Variants in PPFIA4 observed in about 807,000 individuals in gnomAD.
PPFIA4 encodes PPFI scaffold protein A4.
A neutral mutation model predicts 145.7 loss-of-function variants in PPFIA4; 98 were observed. The observed-to-expected ratio is 0.67, with a 90% confidence interval of 0.57 to 0.80. PPFIA4 has a LOEUF of 0.80. Among genes scored for constraint, PPFIA4 ranks in the 30% least tolerant of loss-of-function variants. The probability of loss-of-function intolerance (pLI) is 0.00; values close to 1 mark genes in which losing one functional copy is unlikely to be tolerated. For missense variants in PPFIA4, 1,457 were observed against 1,632.7 expected, an observed-to-expected ratio of 0.89 and a Z score of 1.85; for synonymous variants, 628 against 649.6, an observed-to-expected ratio of 0.97 and a Z score of 0.51.
At chr1:203,030,153 A>G (rs1199894223) in intron 1 of PPFIA4, among the ~76,000 whole-genome samples, 1 of 152,178 alleles carries the variant, frequency 6.6e-6, no homozygotes, top group African/African-American at 2.4e-5. Context: ...CTCATTTGAT[A>G]GTGAGCTGCT....
In PPFIA4 at chr1:203,049,681, C is replaced by T; in HGVS notation, c.1425C>T (p.Arg475=). Residue 475 remains arginine (R), a synonymous_variant, in exon 13 of 30, where the codon CGC becomes CGT. Transcript: ENST00000295706. ...QIEEQHHHKG[R]LSEEIEKLRQ... is the part of the protein sequence containing the mutation. Reference sequence around the variant, plus strand: ...CCCCGGGTCTGCTGGCACAGGGCCGCCTGTCTGAAGAGATTGAGAAGCTGC... The same window carrying T: ...CCCCGGGTCTGCTGGCACAGGGCCGTCTGTCTGAAGAGATTGAGAAGCTGC... 1.3e-6 allele frequency: 2 copies of T among 1,561,900 alleles called. No individual in the cohort carries two copies. The highest frequency in any genetic ancestry group is 1.2e-5 in the South Asian group (1 of 83,240).
intron 6 of PPFIA4, among the ~76,000 whole-genome samples, chr1:203,045,069 G>C (rs753141909): frequency 2.0e-5 from 3 of 152,136 alleles, no homozygotes; most frequent in Admixed American, 6.5e-5. Context: ...TTCCTTCTCT[G>C]TCTGAACCTT....
Position 203,064,900 on chromosome 1 carries a change from G to A in PPFIA4, c.3050+897G>A, listed in dbSNP as rs190662767. On this transcript the variant is annotated intron_variant, in intron 25 of 29. Coordinates refer to ENST00000295706, the MANE Select transcript of PPFIA4 (RefSeq NM_001304331.2). ...TAGGTGGCCACGGTTCTAGGATTTGGCAGTTTTTAGGAAGTCCTTCTTAAC... is the reference window on the plus strand; with the variant it reads ...TAGGTGGCCACGGTTCTAGGATTTGACAGTTTTTAGGAAGTCCTTCTTAAC... Among the ~76,000 whole-genome samples the A allele has an allele frequency of 2.0e-5, 3 of 152,306 alleles. No individual in the cohort carries two copies. In the East Asian group the frequency reaches 5.8e-4, roughly 29 times the overall value.
chr1:203,046,190 T>TGGGGGG (rs1660071434), intron 8 of PPFIA4, 58 bp from the exon 9 acceptor site: 1 of 1,069,060 alleles, frequency 9.4e-7, no homozygotes, highest in African/African-American at 3.1e-5. Flanking sequence ...GAGGCTGGGG[T>TGGGGGG]GGGGGTGGGG....
chr1:203,051,879 T>C lies in PPFIA4; in HGVS notation c.1620+2T>C, dbSNP rs1252368134. ...GCATTGAGGGAAGAGTCTGCCAAGG[T>C]GAGGGGGTGGAGGGATCTCCTCAGG... On this transcript the variant is annotated splice_donor_variant, in intron 14 of 29. Coordinates refer to ENST00000295706, the MANE Select transcript of PPFIA4 (RefSeq NM_001304331.2). LOFTEE classifies it high-confidence loss of function. 1 of 1,612,814 alleles carries C rather than the reference T, an allele frequency of 6.2e-7. No homozygotes were observed. The highest frequency in any genetic ancestry group is 8.5e-7 in the Non-Finnish European group (1 of 1,179,442).
chr1:203,061,522 C>T (rs952899236), intron 23 of PPFIA4, 130 bp from the exon 24 acceptor site: 21 of 926,776 alleles, frequency 2.3e-5, no homozygotes, highest in African/African-American at 1.4e-4. Context: ...ACCATCCTGA[C>T]GAGCTTTCCC....
chr1:203,045,681 G>A (rs1660029315), intron 7 of PPFIA4, 122 bp downstream of exon 7: 12 of 1,447,708 alleles, frequency 8.3e-6, no homozygotes, highest in Non-Finnish European at 1.0e-5. Flanking sequence ...ATTGTTGGGG[G>A]GCGGTCATGG....
At position 203,045,544 on chromosome 1, in the gene PPFIA4, G is replaced by C. The variant is rs760200755; in HGVS notation, c.843G>C (p.Gln281His). 1 of 1,595,306 alleles carries C rather than the reference G, an allele frequency of 6.3e-7. No homozygotes were observed. Among genetic ancestry groups the C allele is most frequent in the Non-Finnish European group, 8.5e-7 (1 of 1,171,864 alleles). Residue 281 changes from glutamine (Q) to histidine (H), a missense_variant, in exon 7 of 30, where the codon CAG (glutamine) becomes CAC (histidine). Gln to His is a conservative substitution (Grantham distance 24). Transcript: ENST00000295706. ...CGGAGGAGCTGAGCAGCAAGCATCA[G>C]CGGGACCTCCGGGAGGTGCGTGAGG... ...IKSEELSSKH[Q>H]RDLREALAQK...
chr1:203,060,116 C>T lies in PPFIA4; in HGVS notation c.2584-101C>T, dbSNP rs554942126. On this transcript the variant is annotated intron_variant, in intron 21 of 29. Transcript: ENST00000295706. The surrounding 1 kb of genome is among the most constrained non-coding windows in gnomAD (Gnocchi z 4.8). Reference sequence around the variant, plus strand: ...ATTCCTATGATCTGTATTTGCTATTCGAGTCCGTGGATGAGGCCTGGCCCT... The same window carrying T: ...ATTCCTATGATCTGTATTTGCTATTTGAGTCCGTGGATGAGGCCTGGCCCT... 1.1e-4 allele frequency: 120 copies of T among 1,126,776 alleles called. No homozygotes were observed. In the African/African-American group the frequency reaches 1.7e-3, roughly 16 times the overall value. 69.8% of individuals were successfully genotyped at this position (1,126,776 alleles called of 1,614,324 possible).
intron 28 of PPFIA4, among the ~76,000 whole-genome samples, chr1:203,074,498 AT>A (rs1662383774): frequency 6.6e-6 from 1 of 152,196 alleles, no homozygotes; most frequent in African/African-American, 2.4e-5. Flanking sequence ...ATAAATATAT[AT>A]AAAAATGCTA....
At chr1:203,039,845 G>A (rs1012101421) in intron 2 of PPFIA4, among the ~76,000 whole-genome samples, 6 of 152,188 alleles carry the variant, frequency 3.9e-5, no homozygotes, top group Non-Finnish European at 8.8e-5. Flanking sequence ...AGTTGGTGCT[G>A]TTACCACCAT....
At chr1:203,039,752 T>C (rs531037381) in intron 2 of PPFIA4, among the ~76,000 whole-genome samples, 24 of 152,244 alleles carry the variant, frequency 1.6e-4, no homozygotes, top group Admixed American at 6.5e-5. Context: ...AACCACCAGC[T>C]GTCCTGTAGT....
chr1:203,032,869 T>G (rs934645318), intron 1 of PPFIA4, among the ~76,000 whole-genome samples: 1 of 152,012 alleles, frequency 6.6e-6, no homozygotes, highest in African/African-American at 2.4e-5. Context: ...ACCATGACCC[T>G]CTAAACCAAG....
In PPFIA4 at chr1:203,051,012, T is replaced by C. The variant is rs150392348; in HGVS notation, c.1512-757T>C. The stretch of plus-strand genomic sequence containing the variant: ...GAACTTCCCTCTCCCTCCAGTGACC[T>C]CGTATGGTCTGTTGTAGGCTCACTG... On this transcript the variant is annotated intron_variant, in intron 13 of 29. Coordinates refer to ENST00000295706, the MANE Select transcript of PPFIA4 (RefSeq NM_001304331.2). Among the ~76,000 whole-genome samples the C allele has an allele frequency of 1.5e-3, 223 of 152,092 alleles. 3 individuals carry two copies. The highest frequency in any genetic ancestry group is 5.1e-3 in the African/African-American group (211 of 41,460).
chr1:203,049,931 T>A (rs1181698123), intron 13 of PPFIA4, among the ~76,000 whole-genome samples, 164 bp downstream of exon 13: 4 of 152,188 alleles, frequency 2.6e-5, no homozygotes, highest in Non-Finnish European at 5.9e-5. Context: ...CCCAGCTTAC[T>A]TGGGCAGTTT....
At position 203,076,901 on chromosome 1, in the gene PPFIA4, C is replaced by T. The variant is rs3795586; in HGVS notation, c.*511C>T. The T allele has an allele frequency of 0.18, 29,519 of 159,704 alleles. 2,874 individuals are homozygous for T. The highest frequency in any genetic ancestry group is 0.22 in the African/African-American group (9,098 of 41,610). 9.9% of individuals were successfully genotyped at this position (159,704 alleles called of 1,614,324 possible). A position where few individuals can be genotyped will look rare whatever the true frequency, so the allele number is the denominator to read the frequency against. On this transcript the variant is annotated 3_prime_UTR_variant, in exon 30 of 30. Coordinates refer to ENST00000295706, the MANE Select transcript of PPFIA4 (RefSeq NM_001304331.2). ...TTGGCATCCCCAGCATCACCACTCTCCCAACCCATCACCGTGACTGCAGTT... is the reference window on the plus strand; with the variant it reads ...TTGGCATCCCCAGCATCACCACTCTTCCAACCCATCACCGTGACTGCAGTT...
intron 1 of PPFIA4, among the ~76,000 whole-genome samples, chr1:203,028,274 A>G (rs918926731): frequency 2.0e-5 from 3 of 152,052 alleles, no homozygotes; most frequent in Non-Finnish European, 4.4e-5. Context: ...GCTGGGCTGT[A>G]AAGGAGGGCT....
Position 203,043,799 on chromosome 1 carries a change from A to G in PPFIA4, c.337-132A>G. ...GGGCGGGAGCTCTGTGCCCATTTGGAAGTATTTCAGTGTTTTCACAGTGGG... is the reference window on the plus strand; with the variant it reads ...GGGCGGGAGCTCTGTGCCCATTTGGGAGTATTTCAGTGTTTTCACAGTGGG... On this transcript the variant is annotated intron_variant, in intron 3 of 29. Transcript: ENST00000295706. This position sits in a 1 kb window ranked among gnomAD's most constrained non-coding sequence, Gnocchi z 4.4. 1 of 945,476 alleles carries G rather than the reference A, an allele frequency of 1.1e-6. No individual in the cohort carries two copies. 58.6% of individuals were successfully genotyped at this position (945,476 alleles called of 1,614,324 possible). A position where few individuals can be genotyped will look rare whatever the true frequency, so the allele number is the denominator to read the frequency against.
intron 29 of PPFIA4, 140 bp from the exon 30 acceptor site, chr1:203,076,201 C>T: frequency 1.1e-6 from 1 of 941,182 alleles, no homozygotes; most frequent in South Asian, 1.4e-5. Flanking sequence ...CTGGCTTGCC[C>T]CTTCCTGCTT....
Sources: gnomAD v4.1 joint callset for allele counts (sites outside exome capture counted in the v4.1 genomes callset) on GRCh38, gnomAD v4.1.1 for gene constraint, Gnocchi (gnomAD v3.1) non-coding constraint, MANE v1.5 for transcripts, NCBI Gene and HGNC (gene_info 2026-07-23, HGNC 2026-07-21) for gene names.